Variants in SPMAP2L observed in about 807,000 individuals in gnomAD.
SPMAP2L encodes sperm microtubule associated protein 2-like.
chr4:56,571,775 G>A, the SPMAP2L span, among the ~76,000 whole-genome samples: 2,954 of 152,264 alleles, frequency 0.019, 46 homozygotes, highest in Non-Finnish European at 0.026. Flanking sequence ...TTGAGCCCAG[G>A]AGTTTGAGGC....
At chr4:56,609,050 C>CTT in the SPMAP2L span, among the ~76,000 whole-genome samples, 29 of 115,602 alleles carry the variant, frequency 2.5e-4, no homozygotes, top group African/African-American at 6.9e-4. Flanking sequence ...TTCTTTCTTT[C>CTT]TTTTTTTTTT....
the SPMAP2L span, among the ~76,000 whole-genome samples, chr4:56,533,325 A>C: frequency 3.3e-5 from 5 of 152,172 alleles, no homozygotes; most frequent in African/African-American, 1.2e-4. Flanking sequence ...GAGTGCTCTC[A>C]TTCCTCAACC....
At chr4:56,600,817 A>T in the SPMAP2L span, 1 of 1,028,124 alleles carries the variant, frequency 9.7e-7, no homozygotes, top group Non-Finnish European at 1.4e-6. Context: ...ACCAGTTACG[A>T]GTCTGTTGCA....
the SPMAP2L span, among the ~76,000 whole-genome samples, chr4:56,557,266 AAAAAAGAAAAG>A: frequency 1.4e-5 from 2 of 144,814 alleles, no homozygotes; most frequent in Admixed American, 7.1e-5. Context: ...TCAAAAAAAA[AAAAAAGAAAAG>A]AAAAGAAAAG....
the SPMAP2L span, among the ~76,000 whole-genome samples, chr4:56,561,462 C>T: frequency 6.6e-6 from 1 of 152,220 alleles, no homozygotes; most frequent in Non-Finnish European, 1.5e-5. Context: ...CTGGTGAGGG[C>T]TTTTCATGCT....
chr4:56,552,469 C>T, the SPMAP2L span: 201 of 654,188 alleles, frequency 3.1e-4, no homozygotes, highest in African/African-American at 3.5e-3. Flanking sequence ...TTTTTTTCCC[C>T]CCTCCTATGA....
At chr4:56,593,339 C>A in the SPMAP2L span, 4 of 1,145,760 alleles carry the variant, frequency 3.5e-6, no homozygotes, top group Non-Finnish European at 5.3e-6. Flanking sequence ...CACCCACAGA[C>A]AATAGCTGTT....
the SPMAP2L span, chr4:56,592,981 A>T: frequency 1.2e-6 from 2 of 1,603,748 alleles, no homozygotes; most frequent in East Asian, 4.5e-5. Context: ...TGAAAATGGA[A>T]GACCCTGTTT....
At chr4:56,587,151 A>G in the SPMAP2L span, among the ~76,000 whole-genome samples, 1 of 152,068 alleles carries the variant, frequency 6.6e-6, no homozygotes. Flanking sequence ...TTTTTTTTAC[A>G]TAGCTGCCCC....
the SPMAP2L span, among the ~76,000 whole-genome samples, chr4:56,581,966 T>C: frequency 1.3e-5 from 2 of 152,182 alleles, no homozygotes; most frequent in Non-Finnish European, 2.9e-5. Flanking sequence ...ACTGGCTATT[T>C]GCATGCAAAA....
the SPMAP2L span, among the ~76,000 whole-genome samples, chr4:56,534,397 C>T: frequency 3.9e-5 from 6 of 152,286 alleles, no homozygotes; most frequent in South Asian, 1.2e-3. Flanking sequence ...AGTCAGTTTC[C>T]TTTGCTGAAT....
chr4:56,587,116 A>G, the SPMAP2L span, among the ~76,000 whole-genome samples: 1 of 152,134 alleles, frequency 6.6e-6, no homozygotes, highest in Admixed American at 6.5e-5. Context: ...AGTTTTTAAC[A>G]ATTAATTTTA....
chr4:56,542,738 G>T, the SPMAP2L span, among the ~76,000 whole-genome samples: 1 of 144,562 alleles, frequency 6.9e-6, no homozygotes, highest in Non-Finnish European at 1.5e-5. Context: ...CTTTGAGTAA[G>T]GCGCATCCTC....
the SPMAP2L span, chr4:56,592,959 T>G: frequency 1.2e-6 from 2 of 1,604,956 alleles, no homozygotes; most frequent in Non-Finnish European, 1.7e-6. Context: ...AACATCCATT[T>G]GAAAAGACCC....
chr4:56,620,148 C>T, the SPMAP2L span, among the ~76,000 whole-genome samples: 1 of 152,196 alleles, frequency 6.6e-6, no homozygotes, highest in East Asian at 1.9e-4. Flanking sequence ...CACAGCCTTG[C>T]CTACAATCTG....
the SPMAP2L span, among the ~76,000 whole-genome samples, chr4:56,541,314 AAT>A: frequency 7.9e-3 from 1,203 of 152,284 alleles, 16 homozygotes; most frequent in African/African-American, 0.028. Flanking sequence ...TAAATTAAAA[AAT>A]AAAAGTAACA....
the SPMAP2L span, among the ~76,000 whole-genome samples, chr4:56,603,809 G>C: frequency 1.3e-5 from 2 of 152,022 alleles, no homozygotes; most frequent in African/African-American, 4.8e-5. Flanking sequence ...AAGCTCTTTT[G>C]GAAAAATTGA....
At chr4:56,540,228 T>C in the SPMAP2L span, among the ~76,000 whole-genome samples, 7 of 152,270 alleles carry the variant, frequency 4.6e-5, no homozygotes, top group East Asian at 1.4e-3. Context: ...TCCATGCATA[T>C]AGTGGAGGAC....
At chr4:56,623,502 C>CTTTGAAA in the SPMAP2L span, among the ~76,000 whole-genome samples, 1 of 152,176 alleles carries the variant, frequency 6.6e-6, no homozygotes. Context: ...AGAAAGAAAT[C>CTTTGAAA]CACATTTCAA....
Sources: gnomAD v4.1 joint callset for allele counts (sites outside exome capture counted in the v4.1 genomes callset) on GRCh38, gnomAD v4.1.1 for gene constraint, MANE v1.5 for transcripts, NCBI Gene and HGNC (gene_info 2026-07-23, HGNC 2026-07-21) for gene names.